Variants in CSMD1 observed in about 807,000 individuals in gnomAD.
CSMD1 encodes the protein CUB and sushi domain-containing protein 1.
CSMD1 carries 213 observed loss-of-function variants against 417.5 expected under a neutral mutation model. That is an observed-to-expected ratio of 0.51 (90% CI 0.46 to 0.57). The LOEUF is 0.57. CSMD1 is among the 20% of genes least tolerant of loss of function. The pLI, the probability that CSMD1 is intolerant of heterozygous loss-of-function variation, is 0.00. For synonymous variants in CSMD1, 2,862 were observed against 1,736.8 expected (o/e 1.65, Z -16.11); for missense variants, 6,923 against 4,529.7 (o/e 1.53, Z -15.17).
intron 28 of CSMD1, among the ~76,000 whole-genome samples, chr8:3,220,024 A>C (rs1013225770): frequency 6.6e-6 from 1 of 151,968 alleles, no homozygotes; most frequent in African/African-American, 2.4e-5. Context: ...GCACACTTGT[A>C]GTCCTAGCTA....
chr8:4,984,887 T>G (rs1239913677), intron 1 of CSMD1, among the ~76,000 whole-genome samples: 1 of 152,096 alleles, frequency 6.6e-6, no homozygotes, highest in East Asian at 1.9e-4. Flanking sequence ...GTGAGCCATG[T>G]GATATATGTG....
At chr8:3,945,468 CTTAGTT>C (rs1811162454) in intron 5 of CSMD1, among the ~76,000 whole-genome samples, 1 of 152,026 alleles carries the variant, frequency 6.6e-6, no homozygotes, top group East Asian at 1.9e-4. Flanking sequence ...CAATTGTTTT[CTTAGTT>C]ACTCTTCAAC....
chr8:3,012,025 T>C (rs927962922), intron 52 of CSMD1, among the ~76,000 whole-genome samples: 1 of 152,206 alleles, frequency 6.6e-6, no homozygotes, highest in East Asian at 1.9e-4. Context: ...CATTACACAG[T>C]ACAGTTGGTA....
chr8:4,161,101 G>A (rs977609089), intron 3 of CSMD1, among the ~76,000 whole-genome samples: 8 of 141,300 alleles, frequency 5.7e-5, no homozygotes, highest in African/African-American at 1.3e-4. Context: ...TACATTTCCA[G>A]GAAATATAAA....
chr8:3,118,089 C>T (rs577837649), intron 42 of CSMD1, among the ~76,000 whole-genome samples: 2 of 152,304 alleles, frequency 1.3e-5, no homozygotes, highest in East Asian at 1.9e-4. Context: ...GCTGACTTCG[C>T]GGAGATTTCC....
intron 8 of CSMD1, among the ~76,000 whole-genome samples, chr8:3,591,807 G>C (rs993746812): frequency 6.8e-6 from 1 of 147,244 alleles, no homozygotes; most frequent in South Asian, 2.2e-4. Flanking sequence ...ATGGAAAGAT[G>C]GATAGACAGT....
At chr8:3,870,697 G>C (rs1219407123) in intron 5 of CSMD1, among the ~76,000 whole-genome samples, 3 of 152,164 alleles carry the variant, frequency 2.0e-5, no homozygotes, top group South Asian at 2.1e-4. Context: ...AGTATTATCT[G>C]ATTTATATTC....
chr8:4,441,269 T>G (rs1056938676), intron 2 of CSMD1, among the ~76,000 whole-genome samples: 1 of 139,400 alleles, frequency 7.2e-6, no homozygotes, highest in African/African-American at 2.6e-5. Context: ...AGTTTTTTTT[T>G]TTTTTTTTTT....
At chr8:3,882,077 A>G (rs1274535845) in intron 5 of CSMD1, among the ~76,000 whole-genome samples, 2 of 152,346 alleles carry the variant, frequency 1.3e-5, no homozygotes, top group African/African-American at 2.4e-5. Flanking sequence ...TAGTCTAAAC[A>G]TATTAAATTT....
chr8:4,287,974 A>G (rs529448853), intron 3 of CSMD1, among the ~76,000 whole-genome samples: 2 of 152,296 alleles, frequency 1.3e-5, no homozygotes, highest in Admixed American at 6.5e-5. Context: ...AGACAATATG[A>G]TAATAAAATT....
At chr8:4,825,469 A>C (rs970017313) in intron 1 of CSMD1, among the ~76,000 whole-genome samples, 1 of 152,114 alleles carries the variant, frequency 6.6e-6, no homozygotes, top group Non-Finnish European at 1.5e-5. Flanking sequence ...TGCATGATTG[A>C]AACTTTATAC....
intron 5 of CSMD1, among the ~76,000 whole-genome samples, chr8:3,975,779 C>G (rs573810149): frequency 9.4e-4 from 143 of 152,200 alleles, no homozygotes; most frequent in African/African-American, 3.0e-3. Flanking sequence ...AAAGATTTCT[C>G]TGATAACTTA....
At position 4,811,572 on chromosome 8, in the gene CSMD1, G is replaced by A. The variant is rs112417620; in HGVS notation, c.86-174014C>T. Among the ~76,000 whole-genome samples the A allele has an allele frequency of 4.1e-3, 626 of 152,178 alleles. 4 individuals are homozygous for A. Among genetic ancestry groups the A allele is most frequent in the African/African-American group, 0.014 (598 of 41,522 alleles). ...TTGACATGGAAAAATAAACACATGTGAGGCTCATCCTTTGGCAATAATTAA... is the reference window on the plus strand; with the variant it reads ...TTGACATGGAAAAATAAACACATGTAAGGCTCATCCTTTGGCAATAATTAA... On this transcript the variant is annotated intron_variant, in intron 1 of 69. Transcript: ENST00000635120.
intron 51 of CSMD1, among the ~76,000 whole-genome samples, chr8:3,025,758 C>G (rs1809825262): frequency 6.6e-6 from 1 of 152,170 alleles, no homozygotes; most frequent in Non-Finnish European, 1.5e-5. Context: ...TGACATTCTT[C>G]ACATTAATTT....
chr8:4,132,005 C>T (rs1014281600), intron 3 of CSMD1, among the ~76,000 whole-genome samples: 1 of 151,870 alleles, frequency 6.6e-6, no homozygotes, highest in Non-Finnish European at 1.5e-5. Context: ...ACCTCGTGAT[C>T]CCTGTGACTA....
intron 1 of CSMD1, among the ~76,000 whole-genome samples, chr8:4,680,225 G>C (rs973630039): frequency 6.6e-6 from 1 of 152,164 alleles, no homozygotes; most frequent in Non-Finnish European, 1.5e-5. Context: ...TGCATGCTGT[G>C]CTTCTGGACA....
intron 2 of CSMD1, among the ~76,000 whole-genome samples, chr8:4,442,458 A>C (rs1798540859): frequency 6.6e-6 from 1 of 152,158 alleles, no homozygotes; most frequent in Non-Finnish European, 1.5e-5. Flanking sequence ...ACATCTACTT[A>C]CATGCTTATC....
intron 5 of CSMD1, among the ~76,000 whole-genome samples, chr8:3,864,124 A>C (rs549619570): frequency 6.9e-6 from 1 of 144,476 alleles, no homozygotes. Context: ...TTGATATTTT[A>C]AAAAAAAATG....
intron 2 of CSMD1, among the ~76,000 whole-genome samples, chr8:4,552,406 C>T (rs151145680): frequency 1.1e-4 from 17 of 152,160 alleles, no homozygotes; most frequent in African/African-American, 4.1e-4. Context: ...GTCTCAAAGA[C>T]TTGCATCCAT....
Sources: allele counts gnomAD v4.1 joint callset (sites outside exome capture counted in the v4.1 genomes callset), GRCh38; gene constraint gnomAD v4.1.1; transcripts MANE v1.5; gene names NCBI Gene and HGNC (gene_info 2026-07-23, HGNC 2026-07-21).